Variants in WWOX observed in about 807,000 individuals in gnomAD.
WWOX encodes the protein WW domain containing oxidoreductase, also known as WW domain-containing oxidoreductase.
WWOX carries 69 observed loss-of-function variants against 46.2 expected under a neutral mutation model. The observed-to-expected ratio is 1.49, with a 90% CI of 1.23 to 1.82. The LOEUF (loss-of-function observed/expected upper bound fraction) is 1.82. Among genes scored for constraint, WWOX ranks in the 40% most tolerant of loss-of-function variants. The pLI, the probability that WWOX is intolerant of heterozygous loss-of-function variation, is 0.00. For synonymous variants in WWOX, 359 were observed against 202.6 expected (o/e 1.77, Z -6.56); for missense variants, 919 against 542.6 (o/e 1.69, Z -6.89).
At chr16:79,122,984 C>T (rs2049671204) in intron 8 of WWOX, among the ~76,000 whole-genome samples, 1 of 152,208 alleles carries the variant, frequency 6.6e-6, no homozygotes, top group Admixed American at 6.5e-5. Context: ...TTTGGGATTC[C>T]AGTTGCCCTT....
intron 8 of WWOX, among the ~76,000 whole-genome samples, chr16:78,914,923 C>G (rs989927915): frequency 6.6e-6 from 1 of 150,624 alleles, no homozygotes; most frequent in Non-Finnish European, 1.5e-5. Context: ...TGGCCCTGCC[C>G]TTGAGCAGGC....
At chr16:78,256,121 T>C (rs1249455265) in intron 5 of WWOX, among the ~76,000 whole-genome samples, 1 of 122,006 alleles carries the variant, frequency 8.2e-6, no homozygotes, top group Non-Finnish European at 1.6e-5. Context: ...TTGTACTCCA[T>C]CCTGGGCGAC....
At chr16:78,534,822 G>A (rs2043719402) in intron 8 of WWOX, among the ~76,000 whole-genome samples, 1 of 151,476 alleles carries the variant, frequency 6.6e-6, no homozygotes, top group African/African-American at 2.4e-5. Flanking sequence ...CGATTCCACT[G>A]CCCTGATCAG....
At chr16:79,110,506 C>G (rs1360660859) in intron 8 of WWOX, among the ~76,000 whole-genome samples, 1 of 152,078 alleles carries the variant, frequency 6.6e-6, no homozygotes. Flanking sequence ...AATATCTGAC[C>G]CAATTCTGAC....
At position 78,419,431 on chromosome 16, in the gene WWOX, G is replaced by A. The variant is rs535676230; in HGVS notation, c.606-5439G>A. Among the ~76,000 whole-genome samples the A allele has an allele frequency of 3.3e-5, 5 of 152,024 alleles. No individual in the cohort carries two copies. In the South Asian group the frequency reaches 8.3e-4, roughly 25 times the overall value. On this transcript the variant is annotated intron_variant, in intron 6 of 8. Coordinates refer to ENST00000566780, the MANE Select transcript of WWOX (RefSeq NM_016373.4). ...TAAAGACAGTGTCATATTGGCATAA[G>A]AATAGATCTATAGATAATAAAATAG...
At chr16:78,996,464 C>A in intron 8 of WWOX, 3 of 381,076 alleles carry the variant, frequency 7.9e-6, no homozygotes, top group Non-Finnish European at 1.1e-5. Flanking sequence ...CAGCACTGGG[C>A]CGGACCCATG....
At chr16:78,946,465 A>C (rs1176615512) in intron 8 of WWOX, among the ~76,000 whole-genome samples, 1 of 152,162 alleles carries the variant, frequency 6.6e-6, no homozygotes, top group Non-Finnish European at 1.5e-5. Context: ...TGCTAGGATT[A>C]AAGGTGTGAG....
intron 5 of WWOX, among the ~76,000 whole-genome samples, chr16:78,302,278 A>G (rs1184989515): frequency 6.6e-6 from 1 of 152,040 alleles, no homozygotes; most frequent in Non-Finnish European, 1.5e-5. Flanking sequence ...AGGTTTGTAG[A>G]TGTGTTTTTC....
At chr16:79,200,882 C>G (rs2051335398) in intron 8 of WWOX, among the ~76,000 whole-genome samples, 1 of 152,164 alleles carries the variant, frequency 6.6e-6, no homozygotes, top group South Asian at 2.1e-4. Flanking sequence ...AATGGAGGTG[C>G]AGGCTTCATC....
intron 6 of WWOX, among the ~76,000 whole-genome samples, chr16:78,392,549 CT>C (rs1388375157): frequency 6.6e-6 from 1 of 152,104 alleles, no homozygotes; most frequent in African/African-American, 2.4e-5. Flanking sequence ...GAAAAATTGT[CT>C]TCCAGAAAAC....
At chr16:78,556,155 C>G (rs2151550373) in intron 8 of WWOX, among the ~76,000 whole-genome samples, 1 of 151,494 alleles carries the variant, frequency 6.6e-6, no homozygotes, top group South Asian at 2.1e-4. Flanking sequence ...GCAAGAGGGT[C>G]AATTAGGCCC....
intron 8 of WWOX, among the ~76,000 whole-genome samples, chr16:78,563,020 T>G (rs567360879): frequency 8.5e-5 from 13 of 152,234 alleles, no homozygotes; most frequent in Non-Finnish European, 1.2e-4. Flanking sequence ...CTATCTTTCT[T>G]TCTTTGCACC....
intron 5 of WWOX, among the ~76,000 whole-genome samples, chr16:78,274,246 G>C (rs1398826267): frequency 6.6e-6 from 1 of 152,018 alleles, no homozygotes; most frequent in East Asian, 1.9e-4. Context: ...TCCAGCTCCT[G>C]CTCATCCTTT....
chr16:78,897,502 G>C (rs755693817), intron 8 of WWOX: 1 of 152,004 alleles, frequency 6.6e-6, no homozygotes, highest in Non-Finnish European at 1.5e-5. Flanking sequence ...GGGTGTATTA[G>C]GGGTTCTCTT....
intron 4 of WWOX, among the ~76,000 whole-genome samples, chr16:78,138,436 A>C (rs1011715125): frequency 6.6e-6 from 1 of 152,096 alleles, no homozygotes; most frequent in African/African-American, 2.4e-5. Flanking sequence ...TGAAAACCAA[A>C]AGGGAAAGGA....
chr16:78,424,182 A>G (rs1397739166), intron 6 of WWOX, among the ~76,000 whole-genome samples: 1 of 131,484 alleles, frequency 7.6e-6, no homozygotes, highest in Non-Finnish European at 1.5e-5. Flanking sequence ...CAGTGGCATG[A>G]TCTTAGCTCA....
At chr16:78,468,267 T>TC (rs1158699298) in intron 8 of WWOX, among the ~76,000 whole-genome samples, 7 of 141,836 alleles carry the variant, frequency 4.9e-5, no homozygotes, top group South Asian at 4.2e-4. Flanking sequence ...TGCCTTTCTT[T>TC]TTTTTTTTTT....
intron 8 of WWOX, among the ~76,000 whole-genome samples, chr16:78,880,122 T>G (rs1015114455): frequency 6.6e-6 from 1 of 152,170 alleles, no homozygotes; most frequent in Non-Finnish European, 1.5e-5. Context: ...ATAAGAAAAC[T>G]GGGGTCTATT....
intron 5 of WWOX, among the ~76,000 whole-genome samples, chr16:78,368,480 A>T (rs934759559): frequency 6.6e-6 from 1 of 152,178 alleles, no homozygotes; most frequent in Non-Finnish European, 1.5e-5. Context: ...TCAATGTGGT[A>T]AAAGCTCTGG....
Sources: allele counts gnomAD v4.1 joint callset (sites outside exome capture counted in the v4.1 genomes callset), GRCh38; gene constraint gnomAD v4.1.1; transcripts MANE v1.5; gene names NCBI Gene and HGNC (gene_info 2026-07-23, HGNC 2026-07-21).